Variants in NCOA5 observed in about 807,000 individuals in gnomAD.
The protein encoded by NCOA5 is NCoA-5.
NCOA5 carries 12 observed loss-of-function variants against 59.0 expected under a neutral mutation model. The ratio of observed to expected loss-of-function variants is 0.20; its 90% confidence interval spans 0.13 to 0.33. NCOA5 has a LOEUF of 0.33. Ranked by LOEUF, NCOA5 falls within the 10% of genes least tolerant of loss-of-function variation. NCOA5 has a pLI of 1.00. For synonymous variants in NCOA5, 270 were observed against 275.5 expected (o/e 0.98, Z 0.20); for missense variants, 655 against 766.6 (o/e 0.85, Z 1.72).
At chr20:46,063,938 G>C (rs1053686332) in intron 6 of NCOA5, among the ~76,000 whole-genome samples, 3 of 152,070 alleles carry the variant, frequency 2.0e-5, no homozygotes, top group Admixed American at 6.5e-5. Flanking sequence ...CAGACTTGTA[G>C]TAAAAACCAA....
chr20:46,062,981 ACAT>A (rs1476128323), intron 7 of NCOA5, 92 bp from the exon 8 acceptor site: 1 of 1,056,696 alleles, frequency 9.5e-7, no homozygotes, highest in Non-Finnish European at 1.3e-6. Flanking sequence ...TCACTGAGTC[ACAT>A]CAATCATACA....
At chr20:46,073,745 C>T (rs1600625707) in intron 2 of NCOA5, among the ~76,000 whole-genome samples, 1 of 152,252 alleles carries the variant, frequency 6.6e-6, no homozygotes, top group East Asian at 1.9e-4. Flanking sequence ...TATTTACCAC[C>T]TTCGGAGTAT....
chr20:46,068,365 C>A (rs1414856520), intron 4 of NCOA5, 137 bp downstream of exon 4: 3 of 824,206 alleles, frequency 3.6e-6, no homozygotes, highest in African/African-American at 3.5e-5. Flanking sequence ...TAATAAGCTA[C>A]TTATATTTCT....
At chr20:46,062,943 G>T in intron 7 of NCOA5, 54 bp from the exon 8 acceptor site, 1 of 1,431,954 alleles carries the variant, frequency 7.0e-7, no homozygotes, top group Non-Finnish European at 9.3e-7. Flanking sequence ...AAGGGCAGGA[G>T]GCCTAGCAGC....
intron 1 of NCOA5, among the ~76,000 whole-genome samples, chr20:46,088,600 A>C (rs2085067271): frequency 6.6e-6 from 1 of 152,252 alleles, no homozygotes. Context: ...CTACGACATC[A>C]CAACGCTGTA....
At chr20:46,088,525 T>C (rs1348656264) in intron 1 of NCOA5, among the ~76,000 whole-genome samples, 1 of 152,032 alleles carries the variant, frequency 6.6e-6, no homozygotes, top group African/African-American at 2.4e-5. Context: ...AAATTAAGAG[T>C]TGTCAAAACT....
At chr20:46,066,373 C>T (rs979973737) in intron 5 of NCOA5, among the ~76,000 whole-genome samples, 1 of 152,184 alleles carries the variant, frequency 6.6e-6, no homozygotes, top group Non-Finnish European at 1.5e-5. Flanking sequence ...TCTTGGCTGA[C>T]AAATGCAGAG....
chr20:46,063,914 G>C (rs2084794795), intron 6 of NCOA5, among the ~76,000 whole-genome samples: 1 of 152,056 alleles, frequency 6.6e-6, no homozygotes, highest in South Asian at 2.1e-4. Flanking sequence ...TTCTTTGGGG[G>C]AATTCCTAGA....
Position 46,068,566 on chromosome 20 carries a change from G to A in NCOA5, c.438C>T (p.Asp146=), listed in dbSNP as rs752704568. The change falls in exon 4 of 8, where the codon GAC becomes GAT. Residue 146 remains aspartate (D), a synonymous_variant. Coordinates refer to ENST00000290231, the MANE Select transcript of NCOA5 (RefSeq NM_020967.3). ...YCRRKDDSYF[D]RYRDSFDGRG... ...GTCCATCAAAGCTATCTCTGTAACG[G>A]TCAAAATAAGAGTCATCCTTTCTCC... is the stretch of plus-strand genomic sequence containing the variant. The A allele has an allele frequency of 4.3e-6, 7 of 1,613,636 alleles. No homozygotes were observed. In the Admixed American group the frequency reaches 1.0e-4, roughly 23 times the overall value.
At chr20:46,069,849 A>G (rs1370258048) in intron 3 of NCOA5, among the ~76,000 whole-genome samples, 1 of 152,130 alleles carries the variant, frequency 6.6e-6, no homozygotes, top group Non-Finnish European at 1.5e-5. Context: ...CCTCTTTTCA[A>G]TTGTTTTGAG....
chr20:46,064,986 T>TA (rs2084806019), intron 6 of NCOA5, 43 bp downstream of exon 6: 1 of 1,602,648 alleles, frequency 6.2e-7, no homozygotes, highest in Non-Finnish European at 8.5e-7. Flanking sequence ...CATAAAGGAC[T>TA]AATAATGGAC....
Position 46,062,812 on chromosome 20 carries a change from T to C in NCOA5, c.1228A>G (p.Ser410Gly). 2.6e-6 allele frequency: 4 copies of C among 1,560,348 alleles called. No homozygotes were observed. Among genetic ancestry groups the C allele is most frequent in the Middle Eastern group, 1.7e-4 (1 of 5,786 alleles). ...KTQPSSQPLQSGQVLPSATPT... is the reference protein window; with the variant it reads ...KTQPSSQPLQGGQVLPSATPT... ...GTAGCAGAGGGGAGCACTTGGCCGC[T>C]CTGGAGCGGTTGGGAGCTTGGCTGT... Residue 410 changes from serine to glycine, a missense_variant, in exon 8 of 8, where the codon AGC becomes GGC. Ser to Gly is a moderately conservative substitution (Grantham distance 56, BLOSUM62 0). This residue lies in a region of NCOA5 where 325 missense variants were observed against 353.2 expected (regional missense o/e 0.92). Transcript: ENST00000290231.
chr20:46,087,915 T>G (rs927236532), intron 1 of NCOA5, among the ~76,000 whole-genome samples: 2 of 152,114 alleles, frequency 1.3e-5, no homozygotes, highest in East Asian at 3.8e-4. Flanking sequence ...ATTGTGATCA[T>G]ACCAAGGTAA....
At chr20:46,073,797 C>T (rs1010991736) in intron 2 of NCOA5, among the ~76,000 whole-genome samples, 1 of 152,142 alleles carries the variant, frequency 6.6e-6, no homozygotes, top group Non-Finnish European at 1.5e-5. Context: ...CTTTTGAATC[C>T]ACTGAAAAAC....
chr20:46,077,352 TGGGTTTCAACCA>T (rs2084948518), intron 2 of NCOA5, among the ~76,000 whole-genome samples: 1 of 152,230 alleles, frequency 6.6e-6, no homozygotes, highest in South Asian at 2.1e-4. Context: ...CGGCTATTAC[TGGGTTTCAACCA>T]GGGAAGTTGG....
chr20:46,064,062 G>A (rs780810483), intron 6 of NCOA5, among the ~76,000 whole-genome samples: 4 of 152,150 alleles, frequency 2.6e-5, no homozygotes, highest in Admixed American at 6.5e-5. Context: ...CCTCTGGAAA[G>A]CAGGGCTCTC....
intron 1 of NCOA5, 112 bp from the exon 2 acceptor site, chr20:46,079,565 G>T: frequency 1.1e-6 from 1 of 880,604 alleles, no homozygotes; most frequent in Non-Finnish European, 1.8e-6. Context: ...ACCAGATGGT[G>T]TAAGAAAAGC....
chr20:46,073,183 C>T (rs2084903023), intron 2 of NCOA5, among the ~76,000 whole-genome samples: 1 of 151,796 alleles, frequency 6.6e-6, no homozygotes, highest in Non-Finnish European at 1.5e-5. Flanking sequence ...CTTTTGTCGT[C>T]TACCATGGTT....
intron 5 of NCOA5, 48 bp downstream of exon 5, chr20:46,067,007 T>G (rs1452442163): frequency 6.3e-7 from 1 of 1,598,214 alleles, no homozygotes; most frequent in Non-Finnish European, 8.5e-7. Context: ...GAGCCTGAAT[T>G]TCTCTGACTC....
Sources: gnomAD v4.1 joint callset for allele counts (sites outside exome capture counted in the v4.1 genomes callset) on GRCh38, gnomAD v4.1.1 for gene constraint, gnomAD v4.1.1 regional missense constraint, MANE v1.5 for transcripts, NCBI Gene and HGNC (gene_info 2026-07-23, HGNC 2026-07-21) for gene names.